The following UGT2B4 variants were observed in gnomAD, a reference collection of about 807,000 sequenced individuals.
UGT2B4 encodes UDP-glucuronosyltransferase 2B4.
Under a neutral mutation model 49.8 loss-of-function variants are expected in UGT2B4, and 49 were observed. The ratio of observed to expected loss-of-function variants is 0.98; its 90% CI spans 0.78 to 1.25. The LOEUF (loss-of-function observed/expected upper bound fraction) is 1.25. UGT2B4 is among the 50% of genes most tolerant of loss of function. The pLI is 0.00. For synonymous variants in UGT2B4, 246 were observed against 217.7 expected (o/e 1.13, Z -1.14); for missense variants, 729 against 627.7 (o/e 1.16, Z -1.73).
At chr4:69,487,871 T>C (rs185498082) in intron 3 of UGT2B4, among the ~76,000 whole-genome samples, 3 of 152,280 alleles carry the variant, frequency 2.0e-5, no homozygotes. Context: ...ATATGCTTTT[T>C]TAATGTATTT....
At position 69,480,841 on chromosome 4, in the gene UGT2B4, T is replaced by C. The variant is rs367620350; in HGVS notation, c.1380A>G (p.Ala460=). Residue 460 remains alanine (A), a synonymous_variant, in exon 6 of 6, where the codon GCA becomes GCG. Transcript: ENST00000305107. ...GCATGACAAATTCAATCCAGAAGAC[T>C]GCTCGATCAAGGGGCTTCACTGGTT... ...HDQPVKPLDR[A]VFWIEFVMRH... 3 of 1,613,896 alleles carry C rather than the reference T, an allele frequency of 1.9e-6. No homozygotes were observed.
At chr4:69,509,899 C>CAACAAAA (rs1728566162) in intron 1 of UGT2B4, among the ~76,000 whole-genome samples, 1 of 151,564 alleles carries the variant, frequency 6.6e-6, no homozygotes, top group Non-Finnish European at 1.5e-5. Context: ...GTTGTCTGTG[C>CAACAAAA]TTTTCAGATC....
chr4:69,522,190 T>C (rs1247879155), intron 1 of UGT2B4, among the ~76,000 whole-genome samples: 1 of 95,726 alleles, frequency 1.0e-5, no homozygotes, highest in African/African-American at 4.2e-5. Context: ...ATATCTAGGT[T>C]ACTAGTGAGA....
rs376288561 is a variant in UGT2B4, at chr4:69,493,857, A to G, written c.722-16T>C. The G allele has an allele frequency of 4.4e-6, 7 of 1,582,276 alleles. No homozygotes were observed. Among genetic ancestry groups the G allele is most frequent in the Middle Eastern group, 3.3e-4 (2 of 5,998 alleles). ...GTGGGTCTTCCTGATGGGGGAAAAA[A>G]AAAGAAAAGATAGATGACACAAGAT... On this transcript the variant is annotated splice_polypyrimidine_tract_variant and intron_variant, in intron 1 of 5. Coordinates refer to ENST00000305107, the MANE Select transcript of UGT2B4 (RefSeq NM_021139.3).
chr4:69,480,911 CTAAACGA>C lies in UGT2B4; in HGVS notation c.1311-8_1311-2del, dbSNP rs1577876789. The C allele has an allele frequency of 1.2e-6, 2 of 1,612,666 alleles. No homozygotes were observed. The highest frequency in any genetic ancestry group is 1.7e-6 in the Non-Finnish European group (2 of 1,179,168). On this transcript the variant is annotated splice_acceptor_variant and splice_polypyrimidine_tract_variant and intron_variant, in intron 5 of 5. Coordinates refer to ENST00000305107, the MANE Select transcript of UGT2B4 (RefSeq NM_021139.3). LOFTEE classifies it high-confidence loss of function. ...TAATTTCATAGCATTCTCTTTATATCTAAACGATAAGCAGAAAAGTATCAACATTGAA... is the reference window on the plus strand; with the variant it reads ...TAATTTCATAGCATTCTCTTTATATCTAAGCAGAAAAGTATCAACATTGAA...
intron 5 of UGT2B4, among the ~76,000 whole-genome samples, chr4:69,481,409 G>C (rs1008728745): frequency 6.6e-6 from 1 of 152,168 alleles, no homozygotes; most frequent in Admixed American, 6.6e-5. Context: ...AGAAAGTTTG[G>C]CTTTTAAATT....
intron 5 of UGT2B4, among the ~76,000 whole-genome samples, chr4:69,483,425 A>T (rs982046352): frequency 2.6e-5 from 4 of 152,098 alleles, no homozygotes; most frequent in Non-Finnish European, 5.9e-5. Context: ...ACAATTGTTA[A>T]TTGTGTTCTT....
chr4:69,482,420 G>A (rs557721314), intron 5 of UGT2B4, among the ~76,000 whole-genome samples: 6 of 152,150 alleles, frequency 3.9e-5, no homozygotes, highest in Non-Finnish European at 7.4e-5. Context: ...ACATTATTTC[G>A]AAGTGAAGAT....
At chr4:69,504,184 C>T (rs563342044) in intron 1 of UGT2B4, among the ~76,000 whole-genome samples, 2 of 152,192 alleles carry the variant, frequency 1.3e-5, no homozygotes, top group Non-Finnish European at 2.9e-5. Flanking sequence ...CCAATGACCA[C>T]ATCACCTCTC....
intron 1 of UGT2B4, among the ~76,000 whole-genome samples, chr4:69,501,967 G>A (rs1728329371): frequency 3.9e-5 from 6 of 151,970 alleles, no homozygotes; most frequent in Admixed American, 3.9e-4. Flanking sequence ...ATGTTACCTG[G>A]GGCTTCACAT....
At chr4:69,495,050 C>A (rs2109814176) in intron 1 of UGT2B4, 91 bp downstream of exon 1, 1 of 1,190,304 alleles carries the variant, frequency 8.4e-7, no homozygotes, top group Non-Finnish European at 1.1e-6. Flanking sequence ...AAAAATACCC[C>A]ACTACCCTGA....
At chr4:69,481,506 C>A (rs1171594659) in intron 5 of UGT2B4, among the ~76,000 whole-genome samples, 1 of 152,064 alleles carries the variant, frequency 6.6e-6, no homozygotes, top group African/African-American at 2.4e-5. Flanking sequence ...AACATATGAG[C>A]AATTTTATTT....
chr4:69,510,864 A>C (rs1289293392), intron 1 of UGT2B4, among the ~76,000 whole-genome samples: 1 of 152,066 alleles, frequency 6.6e-6, no homozygotes, highest in Non-Finnish European at 1.5e-5. Context: ...AGAAGTAGCA[A>C]GAGTAGGGTC....
upstream of UGT2B4, among the ~76,000 whole-genome samples, chr4:69,496,947 G>C (rs1728183633): frequency 1.4e-4 from 2 of 14,506 alleles, no homozygotes; most frequent in African/African-American, 8.5e-5. Flanking sequence ...ACAAAGGGAG[G>C]GGAAAAAAAA....
intron 3 of UGT2B4, among the ~76,000 whole-genome samples, chr4:69,487,717 C>T (rs1227020321): frequency 2.6e-5 from 4 of 151,948 alleles, no homozygotes; most frequent in Admixed American, 2.6e-4. Flanking sequence ...GTGTAACAAA[C>T]CTCCACATTT....
intron 1 of UGT2B4, among the ~76,000 whole-genome samples, chr4:69,516,812 T>C (rs983866563): frequency 2.0e-5 from 3 of 152,084 alleles, no homozygotes; most frequent in Non-Finnish European, 4.4e-5. Context: ...TTTGCCATGA[T>C]GGCCAGGCTG....
At chr4:69,524,775 G>A (rs180882721) in intron 1 of UGT2B4, among the ~76,000 whole-genome samples, 484 of 152,002 alleles carry the variant, frequency 3.2e-3, no homozygotes, top group Admixed American at 5.6e-3. Context: ...ATCCTATGAA[G>A]CATATTATAA....
chr4:69,484,513 A>G (rs1181178395), intron 5 of UGT2B4, among the ~76,000 whole-genome samples: 2 of 152,194 alleles, frequency 1.3e-5, no homozygotes, highest in East Asian at 1.9e-4. Flanking sequence ...CAAAAACTGT[A>G]CTTGGTAAAA....
chr4:69,490,189 T>C (rs894888643), intron 2 of UGT2B4, among the ~76,000 whole-genome samples: 1 of 152,194 alleles, frequency 6.6e-6, no homozygotes, highest in African/African-American at 2.4e-5. Flanking sequence ...ACTGACATTA[T>C]GGAGTCTGCT....
Sources: gnomAD v4.1 joint callset for allele counts (sites outside exome capture counted in the v4.1 genomes callset) on GRCh38, gnomAD v4.1.1 for gene constraint, MANE v1.5 for transcripts, NCBI Gene and HGNC (gene_info 2026-07-23, HGNC 2026-07-21) for gene names.